Variants in MAGI1 observed in about 807,000 individuals in gnomAD.
MAGI1 encodes membrane-associated guanylate kinase, WW and PDZ domain-containing protein 1.
A neutral mutation model predicts 139.9 loss-of-function variants in MAGI1; 58 were observed. The observed-to-expected ratio is 0.41, with a 90% CI of 0.34 to 0.52. MAGI1 has a LOEUF of 0.52. MAGI1 is among the 20% of genes least tolerant of loss of function. MAGI1 has a pLI of 0.12. For missense variants in MAGI1, 1,874 were observed against 1,901.6 expected (o/e 0.99, Z 0.27); for synonymous variants, 812 against 737.9 (o/e 1.10, Z -1.63).
At chr3:65,961,309 T>C (rs2064413209) in intron 1 of MAGI1, among the ~76,000 whole-genome samples, 1 of 152,204 alleles carries the variant, frequency 6.6e-6, no homozygotes, top group Admixed American at 6.5e-5. Context: ...CTACCCATAA[T>C]GCATTTCCCC....
At chr3:65,424,555 T>TTG (rs1378504957) in intron 12 of MAGI1, among the ~76,000 whole-genome samples, 1 of 152,130 alleles carries the variant, frequency 6.6e-6, no homozygotes, top group African/African-American at 2.4e-5. Flanking sequence ...TCCATTACTG[T>TTG]TGTGATCAGC....
intron 1 of MAGI1, among the ~76,000 whole-genome samples, chr3:66,013,805 A>C (rs184437143): frequency 6.8e-4 from 103 of 152,100 alleles, no homozygotes; most frequent in Non-Finnish European, 1.1e-3. Flanking sequence ...CATCCCCACT[A>C]GGTATTTGAA....
At chr3:65,823,183 A>C (rs1196104442) in intron 1 of MAGI1, among the ~76,000 whole-genome samples, 2 of 152,234 alleles carry the variant, frequency 1.3e-5, no homozygotes, top group Non-Finnish European at 2.9e-5. Flanking sequence ...GTGATTTGAC[A>C]TCTAAAAATT....
At chr3:65,991,507 G>A (rs928106502) in intron 1 of MAGI1, among the ~76,000 whole-genome samples, 5 of 151,972 alleles carry the variant, frequency 3.3e-5, no homozygotes, top group South Asian at 2.1e-4. Flanking sequence ...ACCAGACGTC[G>A]CTTTTTCTTG....
chr3:65,372,987 G>A (rs573372110), intron 18 of MAGI1, among the ~76,000 whole-genome samples: 37 of 152,210 alleles, frequency 2.4e-4, no homozygotes, highest in Middle Eastern at 3.4e-3. Context: ...AGGCTGTTTC[G>A]CTTTCTTAAA....
intron 1 of MAGI1, among the ~76,000 whole-genome samples, chr3:65,811,692 A>C: frequency 6.6e-6 from 1 of 151,704 alleles, no homozygotes; most frequent in South Asian, 2.1e-4. Flanking sequence ...AAATACACAA[A>C]CAAAAAAAAA....
At chr3:65,585,012 G>A (rs1294278707) in intron 2 of MAGI1, among the ~76,000 whole-genome samples, 1 of 152,186 alleles carries the variant, frequency 6.6e-6, no homozygotes, top group Admixed American at 6.5e-5. Context: ...TGTGTAATAA[G>A]AACTACCATT....
intron 9 of MAGI1, 107 bp from the exon 10 acceptor site, chr3:65,437,354 GA>G: frequency 1.8e-6 from 1 of 556,910 alleles, no homozygotes; most frequent in Non-Finnish European, 3.0e-6. Flanking sequence ...ACCAAGGGCA[GA>G]TAGCTTAGAT....
intron 1 of MAGI1, among the ~76,000 whole-genome samples, chr3:65,867,025 C>T (rs2059752715): frequency 6.6e-6 from 1 of 152,176 alleles, no homozygotes; most frequent in Non-Finnish European, 1.5e-5. Flanking sequence ...TGGGAAATCT[C>T]TCTATTTTTC....
At chr3:65,956,344 G>A (rs1004546373) in intron 1 of MAGI1, among the ~76,000 whole-genome samples, 2 of 152,222 alleles carry the variant, frequency 1.3e-5, no homozygotes, top group East Asian at 3.9e-4. Context: ...GAGTCTCAAA[G>A]AGGTAAATAA....
chr3:65,621,962 A>G lies in MAGI1; in HGVS notation c.430+10T>C, dbSNP rs3749455. The G allele has an allele frequency of 0.78, 1,248,087 of 1,591,308 alleles. 496,402 individuals are homozygous for G. Among genetic ancestry groups the G allele is most frequent in the African/African-American group, 0.85 (63,226 of 74,274 alleles). ...ACACAGCAGTGAGATGCCAAAGTCC[A>G]ACTACTTACAAGGCACAGCATGGCG... On this transcript the variant is annotated intron_variant, in intron 2 of 22. Coordinates refer to ENST00000402939, the MANE Select transcript of MAGI1 (RefSeq NM_001033057.2).
chr3:65,820,000 G>A (rs1015624564), intron 1 of MAGI1, among the ~76,000 whole-genome samples: 1 of 117,660 alleles, frequency 8.5e-6, no homozygotes, highest in African/African-American at 3.0e-5. Context: ...ATACTGCACT[G>A]GCATGTGTAT....
intron 7 of MAGI1, among the ~76,000 whole-genome samples, chr3:65,444,743 G>C (rs1433616879): frequency 6.6e-6 from 1 of 152,098 alleles, no homozygotes; most frequent in Non-Finnish European, 1.5e-5. Context: ...TTCTTTTCTA[G>C]TGCCTAGTCA....
chr3:65,511,417 G>A (rs1291378773), intron 2 of MAGI1, among the ~76,000 whole-genome samples: 29 of 136,946 alleles, frequency 2.1e-4, no homozygotes, highest in African/African-American at 7.4e-4. Context: ...CCCATCTCAC[G>A]TGCAGAGACA....
At chr3:65,587,479 CTTTTTTTT>C (rs755825684) in intron 2 of MAGI1, among the ~76,000 whole-genome samples, 1 of 109,520 alleles carries the variant, frequency 9.1e-6, no homozygotes, top group Non-Finnish European at 1.8e-5. Flanking sequence ...TTACTTTTTT[CTTTTTTTT>C]TTTTTTTTTT....
chr3:66,008,107 C>A (rs6782159), intron 1 of MAGI1, among the ~76,000 whole-genome samples: 1 of 151,796 alleles, frequency 6.6e-6, no homozygotes, highest in African/African-American at 2.4e-5. Context: ...ATGTTGGCCA[C>A]GCTAGTCTTG....
intron 1 of MAGI1, among the ~76,000 whole-genome samples, chr3:65,635,572 A>G (rs763867806): frequency 6.6e-6 from 1 of 152,208 alleles, no homozygotes; most frequent in Non-Finnish European, 1.5e-5. Flanking sequence ...CCAAGGCATA[A>G]GAGCAAGGTT....
At chr3:65,458,203 A>G (rs1443626839) in intron 5 of MAGI1, among the ~76,000 whole-genome samples, 1 of 152,108 alleles carries the variant, frequency 6.6e-6, no homozygotes, top group Admixed American at 6.5e-5. Context: ...TTATCTGTTG[A>G]TGAACATTCA....
At chr3:65,763,214 G>T (rs1305188356) in intron 1 of MAGI1, among the ~76,000 whole-genome samples, 1 of 152,148 alleles carries the variant, frequency 6.6e-6, no homozygotes, top group Non-Finnish European at 1.5e-5. Context: ...AACAGACCTT[G>T]TTAAAATAAT....
Sources: gnomAD v4.1 joint callset for allele counts (sites outside exome capture counted in the v4.1 genomes callset) on GRCh38, gnomAD v4.1.1 for gene constraint, MANE v1.5 for transcripts, NCBI Gene and HGNC (gene_info 2026-07-23, HGNC 2026-07-21) for gene names.